The following FAR2 variants were observed in gnomAD, a reference collection of about 807,000 sequenced individuals.
FAR2 encodes the protein fatty acyl-CoA reductase 2, also known as epididymis secretory protein Li 81.
A neutral mutation model predicts 56.0 loss-of-function variants in FAR2; 19 were observed. The ratio of observed to expected loss-of-function variants is 0.34; its 90% CI spans 0.24 to 0.50. The LOEUF (loss-of-function observed/expected upper bound fraction) is 0.50, where lower values mean the gene tolerates loss of function less well. Ranked by LOEUF, FAR2 falls within the 20% of genes least tolerant of loss-of-function variation. The pLI is 0.98. For synonymous variants in FAR2, 219 were observed against 218.8 expected (o/e 1.00, Z -0.01); for missense variants, 508 against 642.2 (o/e 0.79, Z 2.26).
At chr12:29,256,146 A>G (rs1948313040) in intron 1 of FAR2, among the ~76,000 whole-genome samples, 1 of 151,870 alleles carries the variant, frequency 6.6e-6, no homozygotes, top group Admixed American at 6.6e-5. Context: ...TGCTAGGATT[A>G]CAAGCGTGAG....
At chr12:29,275,506 T>C (rs1442482830) in intron 2 of FAR2, among the ~76,000 whole-genome samples, 2 of 152,104 alleles carry the variant, frequency 1.3e-5, no homozygotes, top group Admixed American at 1.3e-4. Context: ...TCAAATGGTA[T>C]TTCTAGTTCT....
At chr12:29,301,168 C>T (rs917674181) in intron 4 of FAR2, among the ~76,000 whole-genome samples, 1 of 152,196 alleles carries the variant, frequency 6.6e-6, no homozygotes, top group South Asian at 2.1e-4. Flanking sequence ...AACTTTAGCA[C>T]ATTAGCAGAA....
At chr12:29,262,769 C>T (rs1243023884) in intron 1 of FAR2, among the ~76,000 whole-genome samples, 1 of 151,938 alleles carries the variant, frequency 6.6e-6, no homozygotes, top group Non-Finnish European at 1.5e-5. Flanking sequence ...AACTAAATAA[C>T]AAAATGGCAG....
chr12:29,308,844 G>A (rs1169152384), intron 5 of FAR2, among the ~76,000 whole-genome samples: 1 of 151,872 alleles, frequency 6.6e-6, no homozygotes, highest in Non-Finnish European at 1.5e-5. Context: ...TCAGGACTAA[G>A]GTGGAGAAGT....
At chr12:29,191,358 C>T (rs1950101668) in intron 1 of FAR2, among the ~76,000 whole-genome samples, 1 of 152,216 alleles carries the variant, frequency 6.6e-6, no homozygotes, top group Non-Finnish European at 1.5e-5. Flanking sequence ...GAGGATTTGT[C>T]ACAGGTGATT....
At chr12:29,251,115 T>C (rs149664416) in intron 1 of FAR2, among the ~76,000 whole-genome samples, 2 of 152,276 alleles carry the variant, frequency 1.3e-5, no homozygotes, top group African/African-American at 2.4e-5. Context: ...GATAGAGAAG[T>C]CTATTAATCT....
At chr12:29,278,362 C>T (rs1948733926) in intron 2 of FAR2, among the ~76,000 whole-genome samples, 1 of 152,074 alleles carries the variant, frequency 6.6e-6, no homozygotes, top group African/African-American at 2.4e-5. Context: ...ATTTCTGAGA[C>T]ATGGTCTCAC....
At chr12:29,330,895 A>G (rs1357254473) in intron 10 of FAR2, among the ~76,000 whole-genome samples, 2 of 152,194 alleles carry the variant, frequency 1.3e-5, no homozygotes, top group Non-Finnish European at 2.9e-5. Context: ...GGTCATATTC[A>G]TGTAAAGCTT....
chr12:29,170,844 C>T (rs1439945966), intron 1 of FAR2, among the ~76,000 whole-genome samples: 1 of 152,202 alleles, frequency 6.6e-6, no homozygotes, highest in African/African-American at 2.4e-5. Flanking sequence ...TGCTGTTCTC[C>T]CCTCACCTTC....
intron 1 of FAR2, among the ~76,000 whole-genome samples, chr12:29,229,145 A>G (rs1026686743): frequency 3.9e-5 from 6 of 152,220 alleles, no homozygotes; most frequent in African/African-American, 7.2e-5. Flanking sequence ...CTGTTGTTTG[A>G]TAATTGATAT....
rs773873558 is a variant in FAR2 at position 29,270,431 on chromosome 12, TA to T, written c.-15del. ...TTTCAGGAACCTCTTTCAGGAGCTA[TA>T]AAAGAAAGGGAGGAATCATGTCCAC... is the stretch of plus-strand genomic sequence containing the variant. On this transcript the variant is annotated 5_prime_UTR_variant, in exon 2 of 12. Transcript: ENST00000536681. The T allele has an allele frequency of 2.4e-5, 36 of 1,520,276 alleles. No homozygotes were observed. The African/African-American group carries it at 4.3e-4, about 18-fold the overall frequency. The allele number at this position is 1,520,276 out of a possible 1,614,324, so 94.2% of individuals were successfully genotyped here.
chr12:29,308,932 C>T (rs1395291003), intron 5 of FAR2, among the ~76,000 whole-genome samples: 1 of 152,040 alleles, frequency 6.6e-6, no homozygotes, highest in South Asian at 2.1e-4. Context: ...TAAAACACCA[C>T]AAAACCATTC....
chr12:29,284,210 C>T (rs1044758499), intron 2 of FAR2, among the ~76,000 whole-genome samples: 1 of 152,240 alleles, frequency 6.6e-6, no homozygotes, highest in African/African-American at 2.4e-5. Flanking sequence ...AGCTCAGACA[C>T]TGAAAAATGT....
chr12:29,251,928 C>A (rs528992915), intron 1 of FAR2, among the ~76,000 whole-genome samples: 1 of 152,162 alleles, frequency 6.6e-6, no homozygotes, highest in Admixed American at 6.5e-5. Context: ...CCCTAGTGAC[C>A]CACTAGAAAA....
At chr12:29,219,509 G>C (rs975704582) in intron 1 of FAR2, among the ~76,000 whole-genome samples, 3 of 152,058 alleles carry the variant, frequency 2.0e-5, no homozygotes, top group African/African-American at 4.8e-5. Context: ...CAGGGACTTT[G>C]TTTAGTTCAC....
rs2136835322 is a variant in FAR2 at position 29,334,019 on chromosome 12, T to C, written c.*225T>C. ...ATATTTTAGGGAAAAAAATCCAAAT[T>C]GTTTCCTAACATTCTATTTTATGCC... On this transcript the variant is annotated 3_prime_UTR_variant, in exon 12 of 12. Coordinates refer to ENST00000536681, the MANE Select transcript of FAR2 (RefSeq NM_001271783.2). 2.6e-6 allele frequency: 1 copy of C among 391,498 alleles called. No homozygotes were observed. The highest frequency in any genetic ancestry group is 2.1e-5 in the African/African-American group (1 of 48,548). 24.3% of individuals were successfully genotyped at this position (391,498 alleles called of 1,614,324 possible).
At position 29,194,243 on chromosome 12, in the gene FAR2, A is replaced by G. The variant is rs190569688; in HGVS notation, c.-39+44836A>G. On this transcript the variant is annotated intron_variant, in intron 1 of 11. Coordinates refer to ENST00000536681, the MANE Select transcript of FAR2 (RefSeq NM_001271783.2). Reference sequence around the variant, plus strand: ...TAGTAGTCCATTGGACAGGTTACCAAATTTCAGAACGAATCTTCAACTTCT... The same window carrying G: ...TAGTAGTCCATTGGACAGGTTACCAGATTTCAGAACGAATCTTCAACTTCT... Among the ~76,000 whole-genome samples, 221 of 152,272 alleles carry G rather than the reference A, an allele frequency of 1.5e-3. 1 individual carries two copies. Among genetic ancestry groups the G allele is most frequent in the African/African-American group, 4.4e-3 (182 of 41,564 alleles).
chr12:29,330,304 G>A (rs920573394), intron 10 of FAR2, among the ~76,000 whole-genome samples: 10 of 152,212 alleles, frequency 6.6e-5, no homozygotes, highest in Middle Eastern at 3.4e-3. Flanking sequence ...TGATCTGCCC[G>A]CCTCGACCTC....
intron 1 of FAR2, among the ~76,000 whole-genome samples, chr12:29,246,746 G>C (rs1385654553): frequency 1.3e-5 from 2 of 152,066 alleles, no homozygotes; most frequent in African/African-American, 4.8e-5. Context: ...CTATTAAGAA[G>C]TAATTTTTGC....
Sources: allele counts gnomAD v4.1 joint callset (sites outside exome capture counted in the v4.1 genomes callset), GRCh38; gene constraint gnomAD v4.1.1; transcripts MANE v1.5; gene names NCBI Gene and HGNC (gene_info 2026-07-23, HGNC 2026-07-21).